Variants in LYRM4 observed in about 807,000 individuals in gnomAD.
LYRM4 encodes LYR motif-containing protein 4.
Under a neutral mutation model 11.7 loss-of-function variants are expected in LYRM4, and 9 were observed. That is an observed-to-expected ratio of 0.77 (90% CI 0.46 to 1.34). LYRM4 has a LOEUF of 1.34. Ranked by LOEUF, LYRM4 falls within the 40% of genes most tolerant of loss-of-function variation. The probability of loss-of-function intolerance (pLI) is 0.00; values close to 1 mark genes in which losing one functional copy is unlikely to be tolerated. For missense variants in LYRM4, 133 were observed against 112.5 expected (o/e 1.18, Z -0.82); for synonymous variants, 42 against 40.4 (o/e 1.04, Z -0.15).
the LYRM4 span, among the ~76,000 whole-genome samples, chr6:5,059,310 C>A: frequency 6.8e-6 from 1 of 147,086 alleles, no homozygotes; most frequent in East Asian, 2.0e-4. Flanking sequence ...CACAGCATTC[C>A]GGCCCGTGCA....
At chr6:5,238,215 G>C (rs540609289) in intron 1 of LYRM4, among the ~76,000 whole-genome samples, 2 of 152,116 alleles carry the variant, frequency 1.3e-5, no homozygotes, top group Non-Finnish European at 2.9e-5. Context: ...AATGCAACTT[G>C]TTTTCAAATA....
At chr6:5,086,404 C>T in the LYRM4 span, 418 of 1,536,280 alleles carry the variant, frequency 2.7e-4, 4 homozygotes, top group Middle Eastern at 4.0e-3. Flanking sequence ...GCTGTGCCTG[C>T]CCCCGGGCCT....
chr6:5,040,781 G>A, the LYRM4 span, among the ~76,000 whole-genome samples: 9 of 151,860 alleles, frequency 5.9e-5, no homozygotes, highest in Non-Finnish European at 8.8e-5. Flanking sequence ...CACCTACTAC[G>A]TATCAGTAAA....
intron 2 of LYRM4, among the ~76,000 whole-genome samples, chr6:5,122,133 T>C (rs1030802117): frequency 6.6e-6 from 1 of 152,184 alleles, no homozygotes; most frequent in African/African-American, 2.4e-5. Flanking sequence ...ATCCCGAGTC[T>C]GCTCACCCAT....
intron 2 of LYRM4, among the ~76,000 whole-genome samples, chr6:5,160,957 C>T (rs1295695628): frequency 6.6e-6 from 1 of 152,174 alleles, no homozygotes; most frequent in African/African-American, 2.4e-5. Context: ...TATAGAAAGT[C>T]AGTCACAGTC....
intron 1 of LYRM4, among the ~76,000 whole-genome samples, chr6:5,222,797 G>C (rs1193152155): frequency 7.0e-6 from 1 of 142,704 alleles, no homozygotes; most frequent in Admixed American, 7.0e-5. Context: ...GAATGCTAGA[G>C]AATATGTACA....
intron 2 of LYRM4, among the ~76,000 whole-genome samples, chr6:5,112,232 G>A (rs1762915671): frequency 6.6e-6 from 1 of 152,182 alleles, no homozygotes; most frequent in Non-Finnish European, 1.5e-5. Flanking sequence ...ATGAGGTCAT[G>A]TGCTCCAGTT....
rs926462263 is a variant in LYRM4 at position 5,109,154 on chromosome 6, T to C, written c.*269A>G. The C allele has an allele frequency of 1.8e-5, 23 of 1,302,022 alleles. No individual in the cohort carries two copies. The highest frequency in any genetic ancestry group is 3.0e-5 in the African/African-American group (2 of 67,762). The allele number at this position is 1,302,022 out of a possible 1,614,324, so 80.7% of individuals were successfully genotyped here. On this transcript the variant is annotated 3_prime_UTR_variant, in exon 3 of 3. Transcript: ENST00000330636. ...TACACAATGGTCATGAGCTACAAGG[T>C]AGGAATGGGGTGCAGGGGAGACGTG...
the LYRM4 span, among the ~76,000 whole-genome samples, chr6:5,039,637 A>G: frequency 1.3e-5 from 2 of 152,224 alleles, no homozygotes; most frequent in Non-Finnish European, 2.9e-5. Context: ...GTGAAACATC[A>G]TAATTATAAT....
chr6:5,124,710 C>A (rs1561812880), intron 2 of LYRM4, among the ~76,000 whole-genome samples: 1 of 152,334 alleles, frequency 6.6e-6, no homozygotes, highest in East Asian at 1.9e-4. Context: ...GTGTCCCTGA[C>A]CCACCTCCCT....
the LYRM4 span, chr6:5,088,089 T>G: frequency 9.2e-5 from 14 of 151,702 alleles, no homozygotes; most frequent in African/African-American, 3.2e-4. Flanking sequence ...TATTTTTAAT[T>G]TAATTTTCTT....
downstream of LYRM4, chr6:5,103,863 C>T (rs1762579399): frequency 6.6e-6 from 1 of 152,158 alleles, no homozygotes; most frequent in Non-Finnish European, 1.5e-5. Flanking sequence ...GTCTTGAACT[C>T]CTGACATCGT....
the LYRM4 span, among the ~76,000 whole-genome samples, chr6:5,037,767 C>G: frequency 1.7e-5 from 1 of 58,084 alleles, no homozygotes; most frequent in Non-Finnish European, 4.2e-5. Flanking sequence ...GGCGGCCGGG[C>G]AGAGGCGCCC....
the LYRM4 span, among the ~76,000 whole-genome samples, chr6:5,056,629 C>A: frequency 6.6e-6 from 1 of 152,178 alleles, no homozygotes; most frequent in African/African-American, 2.4e-5. Flanking sequence ...CAATGCTGAT[C>A]TCATCATAAA....
chr6:5,037,601 C>T, the LYRM4 span, among the ~76,000 whole-genome samples: 1 of 81,168 alleles, frequency 1.2e-5, no homozygotes, highest in African/African-American at 3.5e-5. Flanking sequence ...CAGAGGCGCC[C>T]CTCACCTCCC....
At chr6:5,098,218 C>T in the LYRM4 span, among the ~76,000 whole-genome samples, 1 of 152,210 alleles carries the variant, frequency 6.6e-6, no homozygotes, top group Non-Finnish European at 1.5e-5. Flanking sequence ...GCCAGCTCCA[C>T]ACATGTAAGG....
At chr6:5,236,630 CTGTTA>C (rs1040755151) in intron 1 of LYRM4, among the ~76,000 whole-genome samples, 1 of 151,704 alleles carries the variant, frequency 6.6e-6, no homozygotes, top group African/African-American at 2.4e-5. Context: ...AAGAGATGGT[CTGTTA>C]TAATAATCCC....
chr6:5,063,449 A>G, the LYRM4 span, among the ~76,000 whole-genome samples: 1 of 151,876 alleles, frequency 6.6e-6, no homozygotes, highest in African/African-American at 2.4e-5. Flanking sequence ...CCCCAGGCCT[A>G]TCCTCCTGGT....
At chr6:5,207,446 C>T (rs1761763610) in intron 2 of LYRM4, among the ~76,000 whole-genome samples, 1 of 152,192 alleles carries the variant, frequency 6.6e-6, no homozygotes, top group South Asian at 2.1e-4. Flanking sequence ...TACAAATTAA[C>T]ACAAACAAGG....
Sources: allele counts gnomAD v4.1 joint callset (sites outside exome capture counted in the v4.1 genomes callset), GRCh38; gene constraint gnomAD v4.1.1; transcripts MANE v1.5; gene names NCBI Gene and HGNC (gene_info 2026-07-23, HGNC 2026-07-21).